KIF7: variants seen among roughly 807,000 people sequenced by gnomAD.
KIF7 encodes the protein kinesin-like protein KIF7.
Under a neutral mutation model 135.7 loss-of-function variants are expected in KIF7, and 104 were observed. That is an observed-to-expected ratio of 0.77 (90% CI 0.65 to 0.90). The LOEUF (loss-of-function observed/expected upper bound fraction) is 0.90, where lower values mean the gene tolerates loss of function less well. Ranked by LOEUF, KIF7 falls within the 40% of genes least tolerant of loss-of-function variation. The pLI is 0.00. For missense variants in KIF7, 2,005 were observed against 1,839.1 expected, an observed-to-expected ratio of 1.09 and a Z score of -1.65; for synonymous variants, 883 against 809.4, an observed-to-expected ratio of 1.09 and a Z score of -1.54.
At chr15:89,652,473 A>G in intron 2 of KIF7, 130 bp downstream of exon 2, 1 of 744,958 alleles carries the variant, frequency 1.3e-6, no homozygotes, top group Non-Finnish European at 2.2e-6. Flanking sequence ...ATCCCTGTCT[A>G]GGAAATCGAC....
chr15:89,629,977 CA>C, intron 16 of KIF7: 2 of 524,866 alleles, frequency 3.8e-6, no homozygotes, highest in Non-Finnish European at 6.9e-6. Context: ...CTGTGACAAC[CA>C]AAAGTATCTC....
In KIF7 at chr15:89,649,163, A is replaced by G; in HGVS notation, c.734T>C (p.Val245Ala). 6.5e-7 allele frequency: 1 copy of G among 1,548,116 alleles called. No individual in the cohort carries two copies. Among genetic ancestry groups the G allele is most frequent in the South Asian group, 1.2e-5 (1 of 84,038 alleles). The change falls in exon 4 of 19, where the codon GTC becomes GCC. Residue 245 changes from valine to alanine, a missense_variant. Val to Ala is a moderately conservative substitution (Grantham distance 64). Coordinates refer to ENST00000394412, the MANE Select transcript of KIF7 (RefSeq NM_198525.3). ...CAGGTCCACGAAGTGGAACTTGGAG[A>G]CGAGCAGCTGGCCCGGGGCGGGGCG... is the stretch of plus-strand genomic sequence containing the variant. The part of the protein sequence containing the change: ...LPRPAPGQLL[V>A]SKFHFVDLAG...
At position 89,645,031 on chromosome 15, in the gene KIF7, CA is replaced by C; in HGVS notation, c.2172del (p.Ile724MetfsTer14). 6.2e-7 allele frequency: 1 copy of C among 1,608,174 alleles called. No homozygotes were observed. The highest frequency in any genetic ancestry group is 8.5e-7 in the Non-Finnish European group (1 of 1,179,996). ...AINIRMKEEL[I>X]GELVRTGKAA... ...GCCTCACCTGTGCGGACCAGCTCGC[CA>C]ATAAGCTCCTCCTTCATGCGGATGT... On this transcript the variant is annotated frameshift_variant, in exon 10 of 19. Coordinates refer to ENST00000394412, the MANE Select transcript of KIF7 (RefSeq NM_198525.3). LOFTEE classifies it high-confidence loss of function.
intron 15 of KIF7, chr15:89,630,761 C>G: frequency 1.8e-6 from 1 of 553,302 alleles, no homozygotes. Flanking sequence ...AGCACCCTAA[C>G]CAAACAAAAG....
chr15:89,644,908 C>T (rs1963983388), intron 10 of KIF7, 105 bp downstream of exon 10: 2 of 1,477,622 alleles, frequency 1.4e-6, no homozygotes, highest in South Asian at 2.4e-5. Context: ...GCCATCCGGC[C>T]CCTGCTCCTA....
At chr15:89,626,080 C>A, downstream of KIF7, 1 of 1,609,992 alleles carries the variant, frequency 6.2e-7, no homozygotes, top group Non-Finnish European at 8.5e-7. Flanking sequence ...TGTTGAAGGT[C>A]TAGGACCCTT....
At chr15:89,629,690 G>A in intron 16 of KIF7, 117 bp from the exon 17 acceptor site, 1 of 1,378,296 alleles carries the variant, frequency 7.3e-7, no homozygotes, top group Non-Finnish European at 9.9e-7. Context: ...AAATCACCAG[G>A]GTCTTCCCTG....
At chr15:89,623,804 A>G (rs767786785), downstream of KIF7, 1 of 1,613,942 alleles carries the variant, frequency 6.2e-7, no homozygotes, top group Non-Finnish European at 8.5e-7. Flanking sequence ...TCACCCGGCC[A>G]TGACTCACCA....
At chr15:89,640,990 G>A (rs1963909732) in intron 11 of KIF7, among the ~76,000 whole-genome samples, 1 of 152,130 alleles carries the variant, frequency 6.6e-6, no homozygotes, top group Admixed American at 6.6e-5. Context: ...GCAACAGAGT[G>A]AGACTCCGTC....
chr15:89,632,726 T>A, intron 14 of KIF7, 94 bp downstream of exon 14: 1 of 1,384,282 alleles, frequency 7.2e-7, no homozygotes, highest in Non-Finnish European at 1.0e-6. Context: ...TGGCAGAAAC[T>A]TACTTGGCAG....
At position 89,628,333 on chromosome 15, in the gene KIF7, G is replaced by A. The variant is rs757658297; in HGVS notation, c.*86C>T. ...GCCTGGATTTAGGGTGTGCGGTAAG[G>A]ACTGCCCTTCACAGAAGCAAAACAG... On this transcript the variant is annotated 3_prime_UTR_variant, in exon 19 of 19. Transcript: ENST00000394412. The A allele has an allele frequency of 6.7e-7, 1 of 1,502,220 alleles. No homozygotes were observed. The highest frequency in any genetic ancestry group is 8.9e-7 in the Non-Finnish European group (1 of 1,117,566). 93.1% of individuals were successfully genotyped at this position (1,502,220 alleles called of 1,614,324 possible). A position where few individuals can be genotyped will look rare whatever the true frequency, so the allele number is the denominator to read the frequency against.
At chr15:89,645,789 G>A in intron 8 of KIF7, 104 bp downstream of exon 8, 2 of 1,457,820 alleles carry the variant, frequency 1.4e-6, no homozygotes, top group Non-Finnish European at 1.8e-6. Flanking sequence ...GGACCCAGAG[G>A]CTTCCCCACT....
intron 8 of KIF7, 129 bp downstream of exon 8, chr15:89,645,764 C>G: frequency 1.5e-6 from 2 of 1,306,514 alleles, no homozygotes; most frequent in Admixed American, 4.4e-5. Flanking sequence ...GCCAGGGCAA[C>G]ATGAGGGCAT....
chr15:89,629,613 C>A lies in KIF7; in HGVS notation c.3319-40G>T, dbSNP rs572911886. The A allele has an allele frequency of 1.9e-6, 3 of 1,599,348 alleles. No homozygotes were observed. The South Asian group carries it at 3.3e-5, about 18-fold the overall frequency. On this transcript the variant is annotated intron_variant, in intron 16 of 18. Transcript: ENST00000394412. Reference sequence around the variant, plus strand: ...AGCCAGGCTCAGCCCTCATCATGACCCCTCTTCATCCAGCTAATCCTCAAT... The same window carrying A: ...AGCCAGGCTCAGCCCTCATCATGACACCTCTTCATCCAGCTAATCCTCAAT...
chr15:89,650,181 T>A (rs936151858), intron 2 of KIF7: 7 of 553,698 alleles, frequency 1.3e-5, no homozygotes, highest in Non-Finnish European at 1.3e-5. Flanking sequence ...ACCCCTTTCA[T>A]GCTGTAAGCA....
chr15:89,630,944 G>T, intron 15 of KIF7: 1 of 306,570 alleles, frequency 3.3e-6, no homozygotes, highest in Non-Finnish European at 6.3e-6. Context: ...CTACAAGCCT[G>T]GACAGCATGT....
chr15:89,648,031 G>A (rs929903581), intron 5 of KIF7, among the ~76,000 whole-genome samples: 2 of 152,184 alleles, frequency 1.3e-5, no homozygotes, highest in African/African-American at 4.8e-5. Flanking sequence ...TCCCCACTAA[G>A]AGATGGGGTA....
the KIF7 span, among the ~76,000 whole-genome samples, chr15:89,662,339 A>C: frequency 6.6e-6 from 1 of 152,136 alleles, no homozygotes; most frequent in Non-Finnish European, 1.5e-5. Flanking sequence ...TCTACTAAAA[A>C]TGTGAGAATT....
chr15:89,645,155 C>T lies in KIF7; in HGVS notation c.2049G>A (p.Gly683=), dbSNP rs141856439. The part of the protein sequence containing the change: ...AAIPGSRAVG[G]SKARVQARQV... ...GGCGGGCCTGAACTCGGGCCTTGCT[C>T]CCACCAACTGCTGCAACAGGCAGCC... The change falls in exon 10 of 19, where the codon GGG becomes GGA. Residue 683 remains glycine, a synonymous_variant. Transcript: ENST00000394412. 2.4e-4 allele frequency: 391 copies of T among 1,604,478 alleles called. No individual in the cohort carries two copies. The highest frequency in any genetic ancestry group is 2.7e-4 in the Non-Finnish European group (321 of 1,179,952).
Sources: allele counts gnomAD v4.1 joint callset (sites outside exome capture counted in the v4.1 genomes callset), GRCh38; gene constraint gnomAD v4.1.1; transcripts MANE v1.5; gene names NCBI Gene and HGNC (gene_info 2026-07-23, HGNC 2026-07-21).